Variants in ABLIM1 observed in about 807,000 individuals in gnomAD.
ABLIM1 encodes actin-binding LIM protein 1.
A neutral mutation model predicts 107.0 loss-of-function variants in ABLIM1; 40 were observed. The ratio of observed to expected loss-of-function variants is 0.37; its 90% CI spans 0.29 to 0.49. The LOEUF (loss-of-function observed/expected upper bound fraction) is 0.49, where lower values mean the gene tolerates loss of function less well. ABLIM1 is among the 20% of genes least tolerant of loss of function. The pLI is 0.97. For synonymous variants in ABLIM1, 357 were observed against 357.3 expected, an observed-to-expected ratio of 1.00 and a Z score of 0.01; for missense variants, 857 against 1,008.5, an observed-to-expected ratio of 0.85 and a Z score of 2.04.
chr10:114,466,943 G>A (rs2065301552), intron 11 of ABLIM1, among the ~76,000 whole-genome samples: 1 of 152,170 alleles, frequency 6.6e-6, no homozygotes, highest in Non-Finnish European at 1.5e-5. Context: ...TGGATCACCT[G>A]AGGTCAGGAG....
At chr10:114,475,407 G>A (rs4264082) in intron 8 of ABLIM1, among the ~76,000 whole-genome samples, 146,323 of 152,230 alleles carry the variant, frequency 0.96, 70,374 homozygotes, top group East Asian at 1. Flanking sequence ...AGTAAAATGT[G>A]TAATTATATA....
intron 7 of ABLIM1, among the ~76,000 whole-genome samples, chr10:114,490,722 A>AT (rs1489441453): frequency 6.6e-6 from 1 of 151,598 alleles, no homozygotes; most frequent in Admixed American, 6.6e-5. Context: ...TTCAGAGAAC[A>AT]TAAAAACTGA....
At chr10:114,479,041 T>C (rs2056931339) in intron 8 of ABLIM1, among the ~76,000 whole-genome samples, 1 of 152,220 alleles carries the variant, frequency 6.6e-6, no homozygotes, top group Admixed American at 6.5e-5. Flanking sequence ...ACCTGGGCTC[T>C]ACTAGTTGTT....
the ABLIM1 span, among the ~76,000 whole-genome samples, chr10:114,789,817 T>G: frequency 6.7e-6 from 1 of 149,642 alleles, no homozygotes; most frequent in African/African-American, 2.5e-5. Flanking sequence ...GGATACAGAG[T>G]CTCACTCTAT....
chr10:114,677,538 C>T (rs1391546922), intron 1 of ABLIM1, among the ~76,000 whole-genome samples: 1 of 152,086 alleles, frequency 6.6e-6, no homozygotes, highest in Admixed American at 6.6e-5. Context: ...TTTGGGAGGC[C>T]GAGGTGGGAG....
At chr10:114,712,196 T>C (rs888603889) in intron 1 of ABLIM1, among the ~76,000 whole-genome samples, 1 of 150,886 alleles carries the variant, frequency 6.6e-6, no homozygotes, top group African/African-American at 2.4e-5. Context: ...CTACTGAAAA[T>C]ACAAAAATTA....
In ABLIM1 at chr10:114,444,238, C is replaced by G; in HGVS notation, c.1828-104G>C. ...GTAGCAGATCCCACAAGAAGTTTCT[C>G]TTGCTGGAGGGCCTGAATGCATGTG... On this transcript the variant is annotated intron_variant, in intron 16 of 22. Coordinates refer to ENST00000533213, the MANE Select transcript of ABLIM1 (RefSeq NM_002313.7). The G allele has an allele frequency of 2.9e-6, 3 of 1,020,246 alleles. No individual in the cohort carries two copies. The South Asian group carries it at 5.0e-5, about 17-fold the overall frequency. 63.2% of individuals were successfully genotyped at this position (1,020,246 alleles called of 1,614,324 possible).
At chr10:114,558,506 T>G (rs1057014465) in intron 4 of ABLIM1, among the ~76,000 whole-genome samples, 5 of 152,174 alleles carry the variant, frequency 3.3e-5, no homozygotes, top group African/African-American at 1.2e-4. Flanking sequence ...AGGGCTGGAC[T>G]CAATGGCTGA....
rs1241404214 is a variant in ABLIM1, at chr10:114,704,300, CTCTATATATATA to C, written c.-213+63749_-213+63760del. On this transcript the variant is annotated intron_variant, in intron 1 of 15. Coordinates refer to the ABLIM1 transcript ENST00000651092. Reference sequence around the variant, plus strand: ...TCTCTCTCTCTCTCTCTCTCTCTCTCTCTATATATATATATATATATATATATATATATATTG... The same window carrying C: ...TCTCTCTCTCTCTCTCTCTCTCTCTCTATATATATATATATATATATATTG... Among the ~76,000 whole-genome samples, 141 of 28,892 alleles carry C rather than the reference CTCTATATATATA, an allele frequency of 4.9e-3. 1 individual carries two copies. The highest frequency in any genetic ancestry group is 0.015 in the African/African-American group (110 of 7,340). The allele number at this position is 28,892 out of a possible 152,430, so 19.0% of individuals were successfully genotyped here. A position where few individuals can be genotyped will look rare whatever the true frequency, so the allele number is the denominator to read the frequency against.
the ABLIM1 span, among the ~76,000 whole-genome samples, chr10:114,784,210 G>A: frequency 6.6e-6 from 1 of 151,810 alleles, no homozygotes; most frequent in East Asian, 1.9e-4. Flanking sequence ...GCCAGGCTCG[G>A]TGGTGCGCAC....
chr10:114,457,405 G>A (rs11196747), intron 12 of ABLIM1, among the ~76,000 whole-genome samples: 16,148 of 152,074 alleles, frequency 0.11, 904 homozygotes, highest in East Asian at 0.2. Context: ...AAGTAGCTGG[G>A]ATTACAGACA....
chr10:114,633,227 C>T (rs1054915847), intron 1 of ABLIM1, among the ~76,000 whole-genome samples: 1 of 152,068 alleles, frequency 6.6e-6, no homozygotes, highest in Non-Finnish European at 1.5e-5. Context: ...CCAGGGGAAC[C>T]GAAAGGAATG....
At chr10:114,613,820 C>T in intron 1 of ABLIM1, 1 of 1,084,054 alleles carries the variant, frequency 9.2e-7, no homozygotes, top group Non-Finnish European at 1.2e-6. Context: ...ACTTCAGGCT[C>T]CTTCAAGCTC....
intron 2 of ABLIM1, among the ~76,000 whole-genome samples, chr10:114,577,123 T>A (rs2072697225): frequency 6.6e-6 from 1 of 152,228 alleles, no homozygotes; most frequent in Non-Finnish European, 1.5e-5. Context: ...CTTCAATATC[T>A]GTCTATGTGC....
chr10:114,519,450 G>A (rs1311249007), intron 6 of ABLIM1, among the ~76,000 whole-genome samples: 1 of 152,182 alleles, frequency 6.6e-6, no homozygotes, highest in East Asian at 1.9e-4. Flanking sequence ...TTGGGTGTGA[G>A]CGAGTGCAGA....
At chr10:114,799,534 T>C in the ABLIM1 span, among the ~76,000 whole-genome samples, 1 of 152,212 alleles carries the variant, frequency 6.6e-6, no homozygotes, top group Non-Finnish European at 1.5e-5. Context: ...TTCACAGTTG[T>C]TCAGGCCAAA....
At chr10:114,718,197 G>C (rs2081750223) in intron 1 of ABLIM1, among the ~76,000 whole-genome samples, 1 of 152,074 alleles carries the variant, frequency 6.6e-6, no homozygotes, top group African/African-American at 2.4e-5. Flanking sequence ...CTTTAAGCTA[G>C]GATTCTGTAA....
chr10:114,616,890 T>C (rs1566107518), intron 1 of ABLIM1, among the ~76,000 whole-genome samples: 1 of 152,228 alleles, frequency 6.6e-6, no homozygotes, highest in Non-Finnish European at 1.5e-5. Context: ...ACCCTATTAA[T>C]TGGTACTATT....
chr10:114,547,172 C>G (rs533364392), intron 5 of ABLIM1, among the ~76,000 whole-genome samples: 1 of 151,700 alleles, frequency 6.6e-6, no homozygotes, highest in South Asian at 2.1e-4. Flanking sequence ...AAAAAAAAAG[C>G]CTCACTTCCT....
Sources: allele counts gnomAD v4.1 joint callset (sites outside exome capture counted in the v4.1 genomes callset), GRCh38; gene constraint gnomAD v4.1.1; transcripts MANE v1.5; gene names NCBI Gene and HGNC (gene_info 2026-07-23, HGNC 2026-07-21).